MSR1: variants seen among roughly 807,000 people sequenced by gnomAD.
MSR1 encodes macrophage scavenger receptor types I and II.
A neutral mutation model predicts 47.2 loss-of-function variants in MSR1; 53 were observed. The observed-to-expected ratio is 1.12, with a 90% confidence interval of 0.90 to 1.41. The LOEUF (loss-of-function observed/expected upper bound fraction) is 1.41, where lower values mean the gene tolerates loss of function less well. Ranked by LOEUF, MSR1 falls within the 40% of genes most tolerant of loss-of-function variation. The pLI, the probability that MSR1 is intolerant of heterozygous loss-of-function variation, is 0.00. For synonymous variants in MSR1, 239 were observed against 185.6 expected, an observed-to-expected ratio of 1.29 and a Z score of -2.34; for missense variants, 786 against 546.9, an observed-to-expected ratio of 1.44 and a Z score of -4.36.
At chr8:16,161,497 T>C (rs929395350) in intron 5 of MSR1, among the ~76,000 whole-genome samples, 1 of 152,006 alleles carries the variant, frequency 6.6e-6, no homozygotes, top group Non-Finnish European at 1.5e-5. Flanking sequence ...AAATACTATA[T>C]ATGATATGTG....
intron 1 of MSR1, among the ~76,000 whole-genome samples, chr8:16,187,161 G>C (rs1011157604): frequency 6.6e-6 from 1 of 151,430 alleles, no homozygotes; most frequent in Non-Finnish European, 1.5e-5. Flanking sequence ...TCAGGAGTTC[G>C]AGACCATCCT....
chr8:16,178,101 T>G (rs1372814245), intron 1 of MSR1, 109 bp from the exon 2 acceptor site: 1 of 847,170 alleles, frequency 1.2e-6, no homozygotes, highest in African/African-American at 1.9e-5. Flanking sequence ...TATTCAGTTT[T>G]TCTTTTTTTT....
chr8:16,157,904 G>T (rs549818781), intron 5 of MSR1, among the ~76,000 whole-genome samples: 14 of 151,926 alleles, frequency 9.2e-5, no homozygotes, highest in African/African-American at 2.7e-4. Context: ...GTTTTGCAAT[G>T]TCTCTATCAA....
intron 1 of MSR1, among the ~76,000 whole-genome samples, chr8:16,179,542 T>A (rs1040681025): frequency 6.6e-6 from 1 of 152,186 alleles, no homozygotes; most frequent in African/African-American, 2.4e-5. Flanking sequence ...GACAAATAGT[T>A]TTGCATATTT....
In MSR1 at chr8:16,125,262, C is replaced by T. The variant is rs17122467; in HGVS notation, c.1034-4656G>A. On this transcript the variant is annotated intron_variant, in intron 8 of 9. Coordinates refer to ENST00000262101, the MANE Select transcript of MSR1 (RefSeq NM_138715.3). ...GCCTTAAAAACTGGAATATTTGAAT[C>T]TGCTTGACAAGGCCACTTTCTCCCC... Among the ~76,000 whole-genome samples the T allele has an allele frequency of 9.6e-3, 1,468 of 152,210 alleles. 36 individuals are homozygous for T. The highest frequency in any genetic ancestry group is 0.034 in the African/African-American group (1,396 of 41,542).
At chr8:16,140,871 C>G in intron 8 of MSR1, 12 of 1,598,030 alleles carry the variant, frequency 7.5e-6, no homozygotes, top group Non-Finnish European at 6.8e-6. Context: ...TCAGGTACAA[C>G]ACGGGAACCA....
intron 5 of MSR1, among the ~76,000 whole-genome samples, chr8:16,159,089 A>G (rs1801091552): frequency 6.6e-6 from 1 of 151,778 alleles, no homozygotes. Flanking sequence ...GGCATGAGCC[A>G]CCACTTCTAG....
chr8:16,156,897 C>T (rs1337155605), intron 5 of MSR1, among the ~76,000 whole-genome samples: 1 of 151,910 alleles, frequency 6.6e-6, no homozygotes, highest in Non-Finnish European at 1.5e-5. Context: ...GAATGTAGTA[C>T]TTCCCAAGAA....
intron 5 of MSR1, among the ~76,000 whole-genome samples, chr8:16,157,135 G>A (rs895805473): frequency 3.3e-5 from 5 of 152,022 alleles, no homozygotes; most frequent in African/African-American, 1.2e-4. Flanking sequence ...AAAGCAAGAC[G>A]CAGACATTCC....
At chr8:16,148,484 G>A (rs1354971156) in intron 7 of MSR1, among the ~76,000 whole-genome samples, 1 of 92,854 alleles carries the variant, frequency 1.1e-5, no homozygotes, top group African/African-American at 5.0e-5. Context: ...TTTGAGTCAG[G>A]GTCTCACTGT....
intron 3 of MSR1, among the ~76,000 whole-genome samples, chr8:16,173,774 G>A (rs892186673): frequency 6.6e-6 from 1 of 151,868 alleles, no homozygotes. Context: ...TCAGCCTCCC[G>A]AGTAGCTGGG....
chr8:16,145,063 A>T (rs1310059848), intron 7 of MSR1, among the ~76,000 whole-genome samples: 1 of 152,074 alleles, frequency 6.6e-6, no homozygotes, highest in African/African-American at 2.4e-5. Context: ...GAGGCACTTA[A>T]AGAGTAAACA....
chr8:16,150,328 G>GA lies in MSR1; in HGVS notation c.899-18dup, dbSNP rs764869408. ...CCGGAGGACCTACATTATTAACGAA[G>GA]AAAAAAAGAAGGTAATAATTCATTT... On this transcript the variant is annotated splice_polypyrimidine_tract_variant and intron_variant, in intron 6 of 9. Transcript: ENST00000262101. 5.4e-6 allele frequency: 8 copies of GA among 1,480,512 alleles called. No individual in the cohort carries two copies. Among genetic ancestry groups the GA allele is most frequent in the South Asian group, 1.3e-5 (1 of 78,522 alleles). 91.7% of individuals were successfully genotyped at this position (1,480,512 alleles called of 1,614,324 possible).
At chr8:16,131,448 T>TTTTTTTTGTTTTTTG in intron 8 of MSR1, among the ~76,000 whole-genome samples, 1 of 147,172 alleles carries the variant, frequency 6.8e-6, no homozygotes, top group African/African-American at 2.5e-5. Context: ...ATAGTTTTTT[T>TTTTTTTTGTTTTTTG]TTTTTTTTTT....
chr8:16,174,002 A>C (rs1188049941), intron 3 of MSR1, among the ~76,000 whole-genome samples: 2 of 152,080 alleles, frequency 1.3e-5, no homozygotes, highest in African/African-American at 4.8e-5. Flanking sequence ...GACTTGATTA[A>C]ACTGGGAGAC....
At chr8:16,150,415 A>C in intron 6 of MSR1, 104 bp from the exon 7 acceptor site, 1 of 477,530 alleles carries the variant, frequency 2.1e-6, no homozygotes, top group Non-Finnish European at 3.6e-6. Flanking sequence ...GAAATTAGAG[A>C]ATCTTCAAAT....
At chr8:16,135,622 T>C (rs1011392455) in intron 8 of MSR1, among the ~76,000 whole-genome samples, 3 of 152,200 alleles carry the variant, frequency 2.0e-5, no homozygotes, top group African/African-American at 4.8e-5. Flanking sequence ...CTTTCAAGTC[T>C]TATTACTTAA....
Position 16,115,848 on chromosome 8 carries a change from T to C in MSR1, c.1222+4570A>G, listed in dbSNP as rs538920629. On this transcript the variant is annotated intron_variant, in intron 9 of 9. Coordinates refer to ENST00000262101, the MANE Select transcript of MSR1 (RefSeq NM_138715.3). ...AAGATTTAAAAAAAAATTAGCCAGGTATGTGGTGCAGGCCTGTGGTCCCGA... is the reference window on the plus strand; with the variant it reads ...AAGATTTAAAAAAAAATTAGCCAGGCATGTGGTGCAGGCCTGTGGTCCCGA... Among the ~76,000 whole-genome samples the C allele has an allele frequency of 2.0e-5, 3 of 151,978 alleles. No homozygotes were observed. The South Asian group carries it at 6.2e-4, about 32-fold the overall frequency.
rs35122258 is a variant in MSR1, at chr8:16,109,260, A to C, written c.*825T>G. 99 of 146,932 alleles carry C rather than the reference A, an allele frequency of 6.7e-4. No individual in the cohort carries two copies. Among genetic ancestry groups the C allele is most frequent in the African/African-American group, 2.3e-3 (91 of 39,706 alleles). 9.1% of individuals were successfully genotyped at this position (146,932 alleles called of 1,614,324 possible). A position where few individuals can be genotyped will look rare whatever the true frequency, so the allele number is the denominator to read the frequency against. On this transcript the variant is annotated 3_prime_UTR_variant, in exon 10 of 10. Coordinates refer to ENST00000262101, the MANE Select transcript of MSR1 (RefSeq NM_138715.3). ...TGAAACCACTCTTCCTTCTGCACTG[A>C]AGATGTTTGCATTGTTTGTTAAAAT...
Sources: gnomAD v4.1 joint callset for allele counts (sites outside exome capture counted in the v4.1 genomes callset) on GRCh38, gnomAD v4.1.1 for gene constraint, MANE v1.5 for transcripts, NCBI Gene and HGNC (gene_info 2026-07-23, HGNC 2026-07-21) for gene names.